Variants in PAH observed in about 807,000 individuals in gnomAD.
The protein encoded by PAH is phenylalanine-4-hydroxylase.
Under a neutral mutation model 62.0 loss-of-function variants are expected in PAH, and 64 were observed. That is an observed-to-expected ratio of 1.03 (90% CI 0.84 to 1.27). The LOEUF (loss-of-function observed/expected upper bound fraction) is 1.27, where lower values mean the gene tolerates loss of function less well. PAH is among the 50% of genes most tolerant of loss of function. PAH has a pLI of 0.00. For missense variants in PAH, 579 were observed against 542.8 expected (o/e 1.07, Z -0.66); for synonymous variants, 195 against 196.2 (o/e 0.99, Z 0.05).
chr12:102,880,798 T>A lies in PAH; in HGVS notation c.353-3248A>T, dbSNP rs541168545. Among the ~76,000 whole-genome samples, 14 of 152,166 alleles carry A rather than the reference T, an allele frequency of 9.2e-5. No homozygotes were observed. The South Asian group carries it at 2.7e-3, about 29-fold the overall frequency. On this transcript the variant is annotated intron_variant, in intron 3 of 12. Coordinates refer to ENST00000553106, the MANE Select transcript of PAH (RefSeq NM_000277.3). ...TAAATACATGACAATGTCAGGAAAT[T>A]CTTGAAGAAGAAGAATAAAGAAGCA...
chr12:102,944,075 A>G (rs1317746269), intron 1 of PAH, among the ~76,000 whole-genome samples: 1 of 152,206 alleles, frequency 6.6e-6, no homozygotes, highest in Non-Finnish European at 1.5e-5. Context: ...TCAGCACTTT[A>G]AATATGTCAT....
chr12:102,918,458 C>CAAAT (rs71303530), upstream of PAH, among the ~76,000 whole-genome samples: 4 of 151,332 alleles, frequency 2.6e-5, no homozygotes, highest in East Asian at 3.9e-4. Context: ...AATAAATAAA[C>CAAAT]AAATAAATAA....
Position 102,843,729 on chromosome 12 carries a change from T to C in PAH, c.1116A>G (p.Thr372=). The C allele has an allele frequency of 1.2e-6, 2 of 1,613,722 alleles. No individual in the cohort carries two copies. Among genetic ancestry groups the C allele is most frequent in the Middle Eastern group, 1.7e-4 (1 of 6,056 alleles). Residue 372 remains threonine (T), a synonymous_variant, in exon 11 of 13, where the codon ACA becomes ACG. Coordinates refer to ENST00000553106, the MANE Select transcript of PAH (RefSeq NM_000277.3). ...CCGTGACAGTGTAATTTTGGATGGC[T>C]GTCTTCTCCAGCTCCAGGGGGAGAA... ...PKLLPLELEK[T]AIQNYTVTEF...
At chr12:102,932,667 T>C (rs1319622926) in intron 1 of PAH, among the ~76,000 whole-genome samples, 1 of 152,236 alleles carries the variant, frequency 6.6e-6, no homozygotes, top group Non-Finnish European at 1.5e-5. Context: ...ATATAGAACA[T>C]CTGCCTTTTT....
At chr12:102,931,811 A>T (rs535955079) in intron 1 of PAH, among the ~76,000 whole-genome samples, 1 of 152,100 alleles carries the variant, frequency 6.6e-6, no homozygotes, top group Admixed American at 6.6e-5. Context: ...CAATTTTTGC[A>T]TCCTAGAACC....
rs1056077745 is a variant in PAH, at chr12:102,837,398, T to C, written c.*1777A>G. ...TCCAGAGTCAATAATTAACTTTTCA[T>C]GTGAAATGAAGAAACATCAGAATAA... On this transcript the variant is annotated 3_prime_UTR_variant, in exon 13 of 13. Transcript: ENST00000553106. The C allele has an allele frequency of 6.6e-6, 1 of 152,228 alleles. No individual in the cohort carries two copies. The highest frequency in any genetic ancestry group is 2.4e-5 in the African/African-American group (1 of 41,464). 9.4% of individuals were successfully genotyped at this position (152,228 alleles called of 1,614,324 possible).
At chr12:102,843,577 C>A in intron 11 of PAH, 69 bp downstream of exon 11, 1 of 1,562,276 alleles carries the variant, frequency 6.4e-7, no homozygotes, top group Non-Finnish European at 8.8e-7. Flanking sequence ...CCTGGCCAAC[C>A]ACCCACAGAT....
In PAH at chr12:102,852,824, G is replaced by A. The variant is rs62507262; in HGVS notation, c.833C>T (p.Thr278Ile). The A allele has an allele frequency of 3.7e-6, 6 of 1,614,064 alleles. No individual in the cohort carries two copies. The East Asian group carries it at 1.3e-4, about 36-fold the overall frequency. ...GGAGGACAGTACTCACGGTTCGGGG[G>A]TATACATGGGCTTGGATCCATGTCT... ...YIRHGSKPMY[T>I]PEPDICHELL... is the part of the protein sequence containing the mutation. Residue 278 changes from threonine (T) to isoleucine (I), a missense_variant, in exon 7 of 13, where the codon ACC becomes ATC. Coordinates refer to ENST00000553106, the MANE Select transcript of PAH (RefSeq NM_000277.3).
upstream of PAH, among the ~76,000 whole-genome samples, chr12:102,954,465 G>C (rs189374294): frequency 6.6e-6 from 1 of 152,294 alleles, no homozygotes; most frequent in Non-Finnish European, 1.5e-5. Flanking sequence ...ACCTGGGCTA[G>C]AGTGCTCTAC....
At chr12:102,955,628 C>A (rs1435922799), upstream of PAH, among the ~76,000 whole-genome samples, 1 of 152,158 alleles carries the variant, frequency 6.6e-6, no homozygotes, top group East Asian at 1.9e-4. Flanking sequence ...GTAAGGAGTG[C>A]CTGAATAATT....
intron 1 of PAH, among the ~76,000 whole-genome samples, chr12:102,942,577 T>C (rs7314605): frequency 6.6e-6 from 1 of 151,966 alleles, no homozygotes; most frequent in African/African-American, 2.4e-5. Flanking sequence ...CTAAAATTCA[T>C]ATGAAACCAA....
chr12:102,859,010 C>T (rs1193101981), intron 5 of PAH, among the ~76,000 whole-genome samples: 1 of 151,822 alleles, frequency 6.6e-6, no homozygotes, highest in African/African-American at 2.4e-5. Context: ...ACAAAAAAAC[C>T]TTCAAAAAAT....
At chr12:102,902,991 C>T (rs1272643594) in intron 2 of PAH, among the ~76,000 whole-genome samples, 1 of 152,190 alleles carries the variant, frequency 6.6e-6, no homozygotes, top group Admixed American at 6.5e-5. Flanking sequence ...TCAGCTCACG[C>T]CTTTAGAGAA....
chr12:102,928,003 G>A (rs1878734052), intron 1 of PAH, among the ~76,000 whole-genome samples: 1 of 152,118 alleles, frequency 6.6e-6, no homozygotes, highest in African/African-American at 2.4e-5. Flanking sequence ...ATGTCCTTCA[G>A]CTTTATTCTT....
chr12:102,933,169 T>G (rs1317925333), intron 1 of PAH, among the ~76,000 whole-genome samples: 2 of 152,184 alleles, frequency 1.3e-5, no homozygotes, highest in Non-Finnish European at 2.9e-5. Context: ...CTTCTCTCTG[T>G]CTCCAAAAAT....
rs551830639 is a variant in PAH at position 102,868,048 on chromosome 12, A to G, written c.442-1385T>C. Among the ~76,000 whole-genome samples, 37 of 111,900 alleles carry G rather than the reference A, an allele frequency of 3.3e-4. 2 individuals carry two copies. The highest frequency in any genetic ancestry group is 1.8e-3 in the East Asian group (5 of 2,804). 73.4% of individuals were successfully genotyped at this position (111,900 alleles called of 152,430 possible). ...TATACATGTATATACACCTATATAT[A>G]TGTATATATATACACATATATATAC... On this transcript the variant is annotated intron_variant, in intron 4 of 12. Transcript: ENST00000553106.
intron 2 of PAH, among the ~76,000 whole-genome samples, chr12:102,906,022 C>T (rs904501898): frequency 6.6e-6 from 1 of 151,756 alleles, no homozygotes; most frequent in Admixed American, 6.6e-5. Flanking sequence ...GTCAAAAAAT[C>T]GGTAAGAAAA....
chr12:102,938,571 C>T, intron 1 of PAH, among the ~76,000 whole-genome samples: 1 of 152,112 alleles, frequency 6.6e-6, no homozygotes, highest in East Asian at 1.9e-4. Context: ...GCCCACTGGC[C>T]CAGGACCCCA....
intron 4 of PAH, among the ~76,000 whole-genome samples, chr12:102,875,197 A>C (rs1373702481): frequency 6.6e-6 from 1 of 152,220 alleles, no homozygotes; most frequent in East Asian, 1.9e-4. Flanking sequence ...TTTTACAATA[A>C]AATTCATAAC....
Sources: allele counts gnomAD v4.1 joint callset (sites outside exome capture counted in the v4.1 genomes callset), GRCh38; gene constraint gnomAD v4.1.1; transcripts MANE v1.5; gene names NCBI Gene and HGNC (gene_info 2026-07-23, HGNC 2026-07-21).